The following PTCHD4 variants were observed in gnomAD, a reference collection of about 807,000 sequenced individuals.
PTCHD4 encodes the protein patched domain-containing protein 4.
Under a neutral mutation model 58.1 loss-of-function variants are expected in PTCHD4, and 33 were observed. The observed-to-expected ratio is 0.57, with a 90% CI of 0.43 to 0.76. PTCHD4 has a LOEUF of 0.76. Among genes scored for constraint, PTCHD4 ranks in the 30% least tolerant of loss-of-function variants. The pLI is 0.00. For missense variants in PTCHD4, 1,058 were observed against 1,027.1 expected (o/e 1.03, Z -0.41); for synonymous variants, 478 against 409.6 (o/e 1.17, Z -2.02).
chr6:48,044,015 G>GT (rs1174147943), intron 3 of PTCHD4, among the ~76,000 whole-genome samples: 1 of 151,768 alleles, frequency 6.6e-6, no homozygotes, highest in Non-Finnish European at 1.5e-5. Context: ...TAGGAACCTT[G>GT]TTTTTCCCAA....
intron 4 of PTCHD4, among the ~76,000 whole-genome samples, chr6:47,912,538 A>G (rs1765103241): frequency 6.6e-6 from 1 of 152,098 alleles, no homozygotes; most frequent in Non-Finnish European, 1.5e-5. Context: ...TCCATTTTTC[A>G]TTGTTACCAA....
At chr6:47,914,929 A>G (rs1244148952) in intron 4 of PTCHD4, among the ~76,000 whole-genome samples, 2 of 152,090 alleles carry the variant, frequency 1.3e-5, no homozygotes, top group African/African-American at 4.8e-5. Context: ...GTGATATACT[A>G]TTTATCATAA....
At position 48,032,661 on chromosome 6, in the gene PTCHD4, A is replaced by G. The variant is rs77546047; in HGVS notation, c.418-23547T>C. On this transcript the variant is annotated intron_variant, in intron 3 of 4. Transcript: ENST00000339488. Reference sequence around the variant, plus strand: ...AATGGACATGTTTTTAAGTTGTTCAATAAGTCCATTAAAGCTACAGTATTT... The same window carrying G: ...AATGGACATGTTTTTAAGTTGTTCAGTAAGTCCATTAAAGCTACAGTATTT... Among the ~76,000 whole-genome samples the G allele has an allele frequency of 6.5e-3, 985 of 152,268 alleles. 15 individuals are homozygous for G. The highest frequency in any genetic ancestry group is 0.022 in the African/African-American group (931 of 41,562).
chr6:47,953,671 C>T (rs995506266), intron 4 of PTCHD4, among the ~76,000 whole-genome samples: 1 of 152,038 alleles, frequency 6.6e-6, no homozygotes, highest in Non-Finnish European at 1.5e-5. Flanking sequence ...AAGTGCTTTG[C>T]ATGTAAAAAT....
intron 4 of PTCHD4, among the ~76,000 whole-genome samples, chr6:47,999,771 G>C (rs186227711): frequency 6.6e-6 from 1 of 152,132 alleles, no homozygotes; most frequent in Admixed American, 6.5e-5. Flanking sequence ...AGTTAACTAG[G>C]TATCTAGTCA....
In PTCHD4 at chr6:47,873,494, C is replaced by G. The variant is rs540227641; in HGVS notation, c.*4809G>C. On this transcript the variant is annotated 3_prime_UTR_variant, in exon 5 of 5. Transcript: ENST00000339488. ...AATCTTGGTCCTTTAGTTGATAAAT[C>G]AAGGTAATTTACTGCTGCTATACCC... is the stretch of plus-strand genomic sequence containing the variant. Among the ~76,000 whole-genome samples, 17 of 151,802 alleles carry G rather than the reference C, an allele frequency of 1.1e-4. No homozygotes were observed. Among genetic ancestry groups the G allele is most frequent in the African/African-American group, 3.9e-4 (16 of 41,504 alleles).
intron 4 of PTCHD4, among the ~76,000 whole-genome samples, chr6:47,942,816 A>G (rs1766284221): frequency 6.6e-6 from 1 of 152,204 alleles, no homozygotes; most frequent in Non-Finnish European, 1.5e-5. Context: ...CTGTCTTGTT[A>G]GTTCTCTCAG....
chr6:48,108,903 A>G (rs1434062579), intron 1 of PTCHD4, among the ~76,000 whole-genome samples: 1 of 152,054 alleles, frequency 6.6e-6, no homozygotes, highest in African/African-American at 2.4e-5. Flanking sequence ...TTAATGGGAA[A>G]AAAGACAATT....
intron 3 of PTCHD4, among the ~76,000 whole-genome samples, chr6:48,048,550 C>T (rs1482402937): frequency 6.6e-6 from 1 of 151,888 alleles, no homozygotes; most frequent in Non-Finnish European, 1.5e-5. Context: ...TTTTCTACAG[C>T]TTCCCCTAAG....
chr6:48,047,106 G>C (rs1347968213), intron 3 of PTCHD4, among the ~76,000 whole-genome samples: 1 of 151,652 alleles, frequency 6.6e-6, no homozygotes, highest in Non-Finnish European at 1.5e-5. Context: ...TATGAGATGA[G>C]AATAAAGTTT....
chr6:47,992,311 A>G (rs951408046), intron 4 of PTCHD4, among the ~76,000 whole-genome samples: 3 of 152,234 alleles, frequency 2.0e-5, no homozygotes, highest in African/African-American at 7.2e-5. Flanking sequence ...ATATACACAC[A>G]CACATACATA....
Position 47,871,457 on chromosome 6 carries a change from T to C in PTCHD4, c.*6846A>G, listed in dbSNP as rs1763712072. Among the ~76,000 whole-genome samples, 1 of 151,616 alleles carries C rather than the reference T, an allele frequency of 6.6e-6. No individual in the cohort carries two copies. Among genetic ancestry groups the C allele is most frequent in the African/African-American group, 2.4e-5 (1 of 41,378 alleles). On this transcript the variant is annotated 3_prime_UTR_variant, in exon 5 of 5. Coordinates refer to ENST00000339488, the MANE Select transcript of PTCHD4 (RefSeq NM_001384253.1). ...TTACTGGGTAGACTGCTGCCTCTAA[T>C]CAAAGTCAGATTACTCTCTTTCTGA...
intron 4 of PTCHD4, among the ~76,000 whole-genome samples, chr6:48,001,422 C>T (rs563055504): frequency 3.1e-4 from 47 of 152,130 alleles, no homozygotes; most frequent in African/African-American, 9.6e-4. Flanking sequence ...TATAGACCAA[C>T]GGAACAGAAC....
At chr6:48,075,922 A>G (rs898306633) in intron 1 of PTCHD4, among the ~76,000 whole-genome samples, 1 of 152,188 alleles carries the variant, frequency 6.6e-6, no homozygotes, top group African/African-American at 2.4e-5. Flanking sequence ...GACAACAATG[A>G]CGTTTGCCAC....
intron 4 of PTCHD4, among the ~76,000 whole-genome samples, chr6:47,994,977 G>A (rs1388076070): frequency 2.0e-5 from 3 of 152,124 alleles, no homozygotes; most frequent in Non-Finnish European, 4.4e-5. Flanking sequence ...GTTTACAGGA[G>A]GGAACAGTAG....
In PTCHD4 at chr6:47,868,837, A is replaced by T. The variant is rs1763642935; in HGVS notation, c.*9466T>A. 6.6e-6 allele frequency among the ~76,000 whole-genome samples: 1 copy of T among 151,744 alleles called. No homozygotes were observed. The highest frequency in any genetic ancestry group is 2.4e-5 in the African/African-American group (1 of 41,400). Reference sequence around the variant, plus strand: ...GATAAAAGTTGAACATATTTAAAGGAAAAAAGCAGAATAAAATTAATAATT... The same window carrying T: ...GATAAAAGTTGAACATATTTAAAGGTAAAAAGCAGAATAAAATTAATAATT... On this transcript the variant is annotated 3_prime_UTR_variant, in exon 5 of 5. Coordinates refer to ENST00000339488, the MANE Select transcript of PTCHD4 (RefSeq NM_001384253.1).
chr6:47,942,268 A>C (rs1766260325), intron 4 of PTCHD4, among the ~76,000 whole-genome samples: 1 of 152,214 alleles, frequency 6.6e-6, no homozygotes, highest in African/African-American at 2.4e-5. Context: ...TGACACCATC[A>C]CTGGCATAAG....
intron 4 of PTCHD4, among the ~76,000 whole-genome samples, chr6:47,973,011 A>G (rs1020638269): frequency 6.6e-6 from 1 of 152,058 alleles, no homozygotes; most frequent in Non-Finnish European, 1.5e-5. Flanking sequence ...GAATTAAACT[A>G]TTTGTTTCAT....
intron 4 of PTCHD4, among the ~76,000 whole-genome samples, chr6:47,963,320 A>G (rs1309665318): frequency 6.6e-6 from 1 of 152,168 alleles, no homozygotes; most frequent in Admixed American, 6.5e-5. Flanking sequence ...GCTATTAAAA[A>G]TAAATAAATA....
Sources: allele counts gnomAD v4.1 joint callset (sites outside exome capture counted in the v4.1 genomes callset), GRCh38; gene constraint gnomAD v4.1.1; transcripts MANE v1.5; gene names NCBI Gene and HGNC (gene_info 2026-07-23, HGNC 2026-07-21).